LNX1: variants seen among roughly 807,000 people sequenced by gnomAD.
LNX1 encodes ligand of numb-protein X 1.
LNX1 carries 54 observed loss-of-function variants against 68.4 expected under a neutral mutation model. That is an observed-to-expected ratio of 0.79 (90% CI 0.63 to 0.99). The LOEUF is 0.99. Ranked by LOEUF, LNX1 falls within the 50% of genes least tolerant of loss-of-function variation. The pLI is 0.00. For synonymous variants in LNX1, 336 were observed against 350.0 expected (o/e 0.96, Z 0.45); for missense variants, 906 against 926.4 (o/e 0.98, Z 0.29).
intron 1 of LNX1, among the ~76,000 whole-genome samples, chr4:53,640,048 A>T (rs1475756920): frequency 3.0e-4 from 45 of 152,326 alleles, no homozygotes; most frequent in African/African-American, 1.0e-3. Flanking sequence ...AAAAAAAATA[A>T]AAATAAAAAA....
chr4:53,568,745 T>C (rs1333977265), intron 2 of LNX1, among the ~76,000 whole-genome samples: 4 of 152,110 alleles, frequency 2.6e-5, no homozygotes, highest in South Asian at 2.1e-4. Flanking sequence ...GATGACATGA[T>C]TGTATATCTA....
chr4:53,523,471 G>T (rs997890509), intron 2 of LNX1, among the ~76,000 whole-genome samples: 2 of 152,128 alleles, frequency 1.3e-5, no homozygotes, highest in Non-Finnish European at 2.9e-5. Context: ...ATTTTTAGTA[G>T]AGATGAAGTT....
chr4:53,468,804 T>C (rs1211709604), intron 9 of LNX1, among the ~76,000 whole-genome samples: 1 of 152,202 alleles, frequency 6.6e-6, no homozygotes, highest in African/African-American at 2.4e-5. Flanking sequence ...CCTAAATATA[T>C]ATGCACCCAA....
Position 53,558,598 on chromosome 4 carries a change from G to A in LNX1, c.380+15025C>T, listed in dbSNP as rs147680423. ...GAGATGTGACAGTGACAGCTTCCTC[G>A]CTAATTTTGAAATCTGGCTCTCGAG... On this transcript the variant is annotated intron_variant, in intron 2 of 10. Transcript: ENST00000263925. 7.4e-4 allele frequency among the ~76,000 whole-genome samples: 113 copies of A among 152,244 alleles called. 1 individual carries two copies. Among genetic ancestry groups the A allele is most frequent in the African/African-American group, 2.6e-3 (107 of 41,550 alleles).
intron 9 of LNX1, among the ~76,000 whole-genome samples, chr4:53,471,364 G>A (rs1199196560): frequency 6.6e-6 from 1 of 152,098 alleles, no homozygotes; most frequent in African/African-American, 2.4e-5. Flanking sequence ...AGACTTATAT[G>A]TGAGACCTAA....
chr4:53,621,578 C>G (rs1477906955), upstream of LNX1, among the ~76,000 whole-genome samples: 1 of 152,192 alleles, frequency 6.6e-6, no homozygotes, highest in Non-Finnish European at 1.5e-5. Context: ...TAAGGATTTA[C>G]AGTCCACTCT....
At chr4:53,536,751 T>C (rs1728400664) in intron 2 of LNX1, among the ~76,000 whole-genome samples, 1 of 152,216 alleles carries the variant, frequency 6.6e-6, no homozygotes, top group East Asian at 1.9e-4. Flanking sequence ...AAACCACTCC[T>C]TTGTTTTTCT....
At chr4:53,500,792 T>TATTA (rs760807850) in intron 4 of LNX1, among the ~76,000 whole-genome samples, 17 of 152,218 alleles carry the variant, frequency 1.1e-4, no homozygotes, top group Admixed American at 1.1e-3. Context: ...ACTTTGGTTA[T>TATTA]ATTAAGTAGG....
At chr4:53,626,945 A>G (rs977367377) in intron 1 of LNX1, among the ~76,000 whole-genome samples, 56 of 152,206 alleles carry the variant, frequency 3.7e-4, no homozygotes, top group African/African-American at 1.3e-3. Flanking sequence ...GGAAGACTGA[A>G]CCTTTACTCA....
intron 6 of LNX1, among the ~76,000 whole-genome samples, chr4:53,495,044 T>C (rs1346908138): frequency 1.3e-5 from 2 of 152,188 alleles, no homozygotes; most frequent in Non-Finnish European, 1.5e-5. Flanking sequence ...GCAACTTTTA[T>C]AGGGATCTTT....
At chr4:53,583,054 A>G (rs1239670183) in intron 1 of LNX1, among the ~76,000 whole-genome samples, 1 of 152,184 alleles carries the variant, frequency 6.6e-6, no homozygotes, top group East Asian at 1.9e-4. Flanking sequence ...GGCAAAGTCT[A>G]TCTTTCTGTA....
At chr4:53,618,851 T>C (rs1733770782), upstream of LNX1, among the ~76,000 whole-genome samples, 1 of 152,216 alleles carries the variant, frequency 6.6e-6, no homozygotes, top group Non-Finnish European at 1.5e-5. Flanking sequence ...AAAAAAAATT[T>C]GGTCTGATTT....
chr4:53,515,226 G>T (rs75510187), intron 2 of LNX1, among the ~76,000 whole-genome samples: 11 of 152,276 alleles, frequency 7.2e-5, no homozygotes, highest in African/African-American at 2.6e-4. Flanking sequence ...ACTTAAGGCC[G>T]CCAGTCAAGA....
chr4:53,624,209 T>C (rs1733990956), intron 1 of LNX1, among the ~76,000 whole-genome samples: 1 of 152,196 alleles, frequency 6.6e-6, no homozygotes, highest in African/African-American at 2.4e-5. Context: ...AGCCTATTTC[T>C]CTCTTATGTG....
intron 2 of LNX1, among the ~76,000 whole-genome samples, chr4:53,600,191 T>C (rs533776846): frequency 6.6e-6 from 1 of 152,354 alleles, no homozygotes; most frequent in Non-Finnish European, 1.5e-5. Context: ...CTGTTTTTTA[T>C]GCTGTCCAAT....
At chr4:53,477,787 G>T (rs1398257087) in intron 8 of LNX1, among the ~76,000 whole-genome samples, 1 of 152,044 alleles carries the variant, frequency 6.6e-6, no homozygotes, top group Non-Finnish European at 1.5e-5. Context: ...GACAGGAGGA[G>T]AAAAAAGAGA....
At chr4:53,569,305 CA>C (rs1730959440) in intron 2 of LNX1, among the ~76,000 whole-genome samples, 1 of 145,908 alleles carries the variant, frequency 6.9e-6, no homozygotes. Context: ...GTACTGGTAC[CA>C]AAACAGAGAT....
chr4:53,469,380 A>G (rs1169421262), intron 9 of LNX1, among the ~76,000 whole-genome samples: 1 of 152,246 alleles, frequency 6.6e-6, no homozygotes, highest in African/African-American at 2.4e-5. Flanking sequence ...TGCTCACAAG[A>G]GAAAGCAGGA....
chr4:53,591,718 G>A, upstream of LNX1: 1 of 325,822 alleles, frequency 3.1e-6, no homozygotes, highest in Non-Finnish European at 4.4e-6. Flanking sequence ...AATTTGCCAG[G>A]TGGAATTTAC....
Sources: gnomAD v4.1 joint callset for allele counts (sites outside exome capture counted in the v4.1 genomes callset) on GRCh38, gnomAD v4.1.1 for gene constraint, MANE v1.5 for transcripts, NCBI Gene and HGNC (gene_info 2026-07-23, HGNC 2026-07-21) for gene names.